Variants in PODXL2 observed in about 807,000 individuals in gnomAD.
PODXL2 encodes the protein podocalyxin like 2.
In PODXL2, 17 loss-of-function variants were observed where a neutral mutation model predicts 53.4. The ratio of observed to expected loss-of-function variants is 0.32; its 90% CI spans 0.22 to 0.48. PODXL2 has a LOEUF of 0.48. Among genes scored for constraint, PODXL2 ranks in the 20% least tolerant of loss-of-function variants. PODXL2 has a pLI of 0.99. For synonymous variants in PODXL2, 311 were observed against 306.7 expected (o/e 1.01, Z -0.15); for missense variants, 673 against 760.0 (o/e 0.89, Z 1.35).
At chr3:127,641,201 C>T (rs564092861) in intron 2 of PODXL2, among the ~76,000 whole-genome samples, 19 of 151,846 alleles carry the variant, frequency 1.3e-4, no homozygotes, top group African/African-American at 3.9e-4. Context: ...TCTGAGCCAC[C>T]GCACCCGGAC....
At chr3:127,671,059 CCT>C (rs1042335149) in intron 6 of PODXL2, among the ~76,000 whole-genome samples, 2 of 152,152 alleles carry the variant, frequency 1.3e-5, no homozygotes, top group African/African-American at 4.8e-5. Context: ...GCTCACATCT[CCT>C]GTCTCTCTAA....
intron 2 of PODXL2, among the ~76,000 whole-genome samples, chr3:127,655,421 TAATAAC>T (rs1183553475): frequency 6.6e-6 from 1 of 151,968 alleles, no homozygotes; most frequent in Admixed American, 6.6e-5. Flanking sequence ...ATAATAATGA[TAATAAC>T]AACAACAATA....
In PODXL2 at chr3:127,662,418, G is replaced by T. The variant is rs77891332; in HGVS notation, c.1206+107G>T. The T allele has an allele frequency of 8.9e-4, 680 of 768,216 alleles. 3 individuals are homozygous for T. The African/African-American group carries it at 0.01, about 11-fold the overall frequency. The allele number at this position is 768,216 out of a possible 1,614,324, so 47.6% of individuals were successfully genotyped here. A position where few individuals can be genotyped will look rare whatever the true frequency, so the allele number is the denominator to read the frequency against. ...CAAGCAGTGCGTGGGAGAAGGCTTA[G>T]TCCTTCAGTTGGTGGCCCAGGGATA... On this transcript the variant is annotated intron_variant, in intron 4 of 7. Coordinates refer to ENST00000342480, the MANE Select transcript of PODXL2 (RefSeq NM_015720.4).
intron 4 of PODXL2, among the ~76,000 whole-genome samples, chr3:127,663,162 A>G (rs1284696447): frequency 6.6e-6 from 1 of 152,176 alleles, no homozygotes; most frequent in Non-Finnish European, 1.5e-5. Context: ...TGCGGGAAGA[A>G]CTAGGGACCC....
In PODXL2 at chr3:127,660,676, G is replaced by A. The variant is rs779541327; in HGVS notation, c.648G>A (p.Gly216=). 7.4e-6 allele frequency: 12 copies of A among 1,614,196 alleles called. No homozygotes were observed. In the South Asian group the frequency reaches 8.8e-5, roughly 12 times the overall value. Residue 216 remains glycine, a synonymous_variant, in exon 3 of 8, where the codon GGG becomes GGA. Transcript: ENST00000342480. Reference sequence around the variant, plus strand: ...TCACCAGCAGCAGCCAGACCCCAGGGGCCACCAAAAGCAGGCATGAAGACT... The same window carrying A: ...TCACCAGCAGCAGCCAGACCCCAGGAGCCACCAAAAGCAGGCATGAAGACT... ...FSLTSSSQTP[G]ATKSRHEDSG...
chr3:127,671,532 T>C lies in PODXL2; in HGVS notation c.1524T>C (p.Ile508=), dbSNP rs2074838583. 1 of 1,614,100 alleles carries C rather than the reference T, an allele frequency of 6.2e-7. No homozygotes were observed. The highest frequency in any genetic ancestry group is 8.5e-7 in the Non-Finnish European group (1 of 1,179,984). ...CGCTCTTCGTGGTGCTGGTGGTCAT[T>C]GGGGCCATCTGCATCATCATCATTG... ...YGTLFVVLVV[I]GAICIIIIAL... is the part of the protein sequence containing the mutation. The change falls in exon 7 of 8, where the codon ATT becomes ATC. Residue 508 remains isoleucine, a synonymous_variant. Transcript: ENST00000342480.
At position 127,660,934 on chromosome 3, in the gene PODXL2, G is replaced by A; in HGVS notation, c.906G>A (p.Glu302=). 3 of 1,614,240 alleles carry A rather than the reference G, an allele frequency of 1.9e-6. No individual in the cohort carries two copies. Among genetic ancestry groups the A allele is most frequent in the Non-Finnish European group, 2.5e-6 (3 of 1,180,034 alleles). Residue 302 remains glutamate (E), a synonymous_variant, in exon 3 of 8, where the codon GAG becomes GAA. Coordinates refer to ENST00000342480, the MANE Select transcript of PODXL2 (RefSeq NM_015720.4). ...GAAGLSGQHE[E]VPALPSFPQT... Reference sequence around the variant, plus strand: ...CTGGTTTGTCTGGCCAGCACGAGGAGGTGCCGGCCTTGCCTTCATTCCCTC... The same window carrying A: ...CTGGTTTGTCTGGCCAGCACGAGGAAGTGCCGGCCTTGCCTTCATTCCCTC...
chr3:127,654,949 T>C (rs548718293), intron 2 of PODXL2, among the ~76,000 whole-genome samples: 267 of 152,126 alleles, frequency 1.8e-3, no homozygotes, highest in African/African-American at 5.9e-3. Context: ...TTTCTTTCTT[T>C]CTTTTTTTTG....
chr3:127,659,772 G>T (rs774533003), intron 2 of PODXL2, among the ~76,000 whole-genome samples: 1 of 152,190 alleles, frequency 6.6e-6, no homozygotes, highest in East Asian at 1.9e-4. Flanking sequence ...ATTCTGGGAG[G>T]CCCTGGAAAA....
At chr3:127,670,103 G>A (rs2074822926) in intron 6 of PODXL2, among the ~76,000 whole-genome samples, 2 of 152,116 alleles carry the variant, frequency 1.3e-5, no homozygotes, top group South Asian at 2.1e-4. Flanking sequence ...TGAGCATGTC[G>A]AATGCCCACT....
intron 6 of PODXL2, among the ~76,000 whole-genome samples, 192 bp downstream of exon 6, chr3:127,669,394 A>C (rs1239852831): frequency 7.3e-6 from 1 of 137,466 alleles, no homozygotes; most frequent in African/African-American, 2.7e-5. Context: ...TGTGCATGCT[A>C]CCAACCAAAG....
chr3:127,649,422 G>A (rs1375883991), intron 2 of PODXL2, among the ~76,000 whole-genome samples: 2 of 152,242 alleles, frequency 1.3e-5, no homozygotes, highest in African/African-American at 4.8e-5. Flanking sequence ...CCAGAAGTGA[G>A]ATTGTAGGTT....
intron 2 of PODXL2, among the ~76,000 whole-genome samples, chr3:127,651,535 A>G (rs1357930702): frequency 6.6e-6 from 1 of 152,194 alleles, no homozygotes; most frequent in Non-Finnish European, 1.5e-5. Context: ...GGGTAAGTCA[A>G]TAACACAGAA....
chr3:127,668,223 G>A (rs1222156391), intron 4 of PODXL2, among the ~76,000 whole-genome samples: 1 of 152,192 alleles, frequency 6.6e-6, no homozygotes, highest in Non-Finnish European at 1.5e-5. Flanking sequence ...GCCAGGGCAG[G>A]AAGGAGCACC....
Position 127,661,009 on chromosome 3 carries a change from C to G in PODXL2, c.981C>G (p.Gly327=), listed in dbSNP as rs770817807. 1.2e-6 allele frequency: 2 copies of G among 1,614,236 alleles called. No individual in the cohort carries two copies. The highest frequency in any genetic ancestry group is 1.7e-6 in the Non-Finnish European group (2 of 1,180,030). Residue 327 remains glycine (G), a synonymous_variant, in exon 3 of 8, where the codon GGC becomes GGG. Coordinates refer to ENST00000342480, the MANE Select transcript of PODXL2 (RefSeq NM_015720.4). ...GAEHPDEDPL[G]SRTSASSPLA... is the part of the protein sequence containing the mutation. Reference sequence around the variant, plus strand: ...AGCACCCAGATGAAGATCCCCTTGGCTCTAGAACCTCAGCCTCTTCCCCAC... The same window carrying G: ...AGCACCCAGATGAAGATCCCCTTGGGTCTAGAACCTCAGCCTCTTCCCCAC...
At chr3:127,663,822 CT>C (rs2074781089) in intron 4 of PODXL2, among the ~76,000 whole-genome samples, 1 of 152,176 alleles carries the variant, frequency 6.6e-6, no homozygotes, top group Non-Finnish European at 1.5e-5. Flanking sequence ...GACCCTTGAA[CT>C]TTTGGTGTGC....
intron 7 of PODXL2, among the ~76,000 whole-genome samples, chr3:127,671,858 C>A (rs891291165): frequency 2.0e-5 from 3 of 152,224 alleles, no homozygotes; most frequent in African/African-American, 7.2e-5. Flanking sequence ...ACCACCAGCC[C>A]CTTTCCGGCG....
At chr3:127,642,526 A>G (rs1178210431) in intron 2 of PODXL2, among the ~76,000 whole-genome samples, 14 of 152,012 alleles carry the variant, frequency 9.2e-5, no homozygotes, top group Admixed American at 9.2e-4. Flanking sequence ...AGGGATGAAG[A>G]TGGGAGCCTG....
intron 1 of PODXL2, 144 bp from the exon 2 acceptor site, chr3:127,639,101 C>T (rs2074596945): frequency 3.7e-6 from 3 of 802,000 alleles, no homozygotes; most frequent in South Asian, 2.1e-5. Context: ...CTCAGAATCC[C>T]CGCAAAGCCT....
Sources: allele counts gnomAD v4.1 joint callset (sites outside exome capture counted in the v4.1 genomes callset), GRCh38; gene constraint gnomAD v4.1.1; transcripts MANE v1.5; gene names NCBI Gene and HGNC (gene_info 2026-07-23, HGNC 2026-07-21).